Variants in UHRF1 observed in about 807,000 individuals in gnomAD.
UHRF1 encodes the protein ubiquitin like with PHD and ring finger domains 1.
A neutral mutation model predicts 96.5 loss-of-function variants in UHRF1; 9 were observed. That is an observed-to-expected ratio of 0.09 (90% CI 0.06 to 0.16). The LOEUF is 0.16. Ranked by LOEUF, UHRF1 falls within the 10% of genes least tolerant of loss-of-function variation. The pLI is 1.00. For synonymous variants in UHRF1, 455 were observed against 469.9 expected, an observed-to-expected ratio of 0.97 and a Z score of 0.41; for missense variants, 626 against 1,131.1, an observed-to-expected ratio of 0.55 and a Z score of 6.40.
rs765485071 is a variant in UHRF1, at chr19:4,960,761, C to T, written c.2340C>T (p.Thr780=). The T allele has an allele frequency of 1.0e-5, 16 of 1,573,384 alleles. No individual in the cohort carries two copies. The highest frequency in any genetic ancestry group is 5.5e-5 in the African/African-American group (4 of 73,304). The part of the protein sequence containing the change: ...YAMQVNQPLQ[T]VLNQLFPGYG... ...TGCAGGTGAACCAGCCTCTGCAGACCGTCCTCAACCAGCTCTTCCCCGGCT... is the reference window on the plus strand; with the variant it reads ...TGCAGGTGAACCAGCCTCTGCAGACTGTCCTCAACCAGCTCTTCCCCGGCT... The change falls in exon 17 of 17, where the codon ACC becomes ACT. Residue 780 remains threonine, a synonymous_variant. Coordinates refer to ENST00000650932, the MANE Select transcript of UHRF1 (RefSeq NM_001048201.3).
intron 4 of UHRF1, 100 bp from the exon 5 acceptor site, chr19:4,932,641 G>A: frequency 7.7e-7 from 1 of 1,305,678 alleles, no homozygotes; most frequent in Non-Finnish European, 1.1e-6. Flanking sequence ...AGGGGCCTCT[G>A]CACACTGTCG....
chr19:4,954,906 T>A lies in UHRF1; in HGVS notation c.2130+84T>A. 1 of 1,545,602 alleles carries A rather than the reference T, an allele frequency of 6.5e-7. No homozygotes were observed. The highest frequency in any genetic ancestry group is 8.8e-7 in the Non-Finnish European group (1 of 1,133,498). ...GGGCTTGTTTCCCATGTTCCCCATT[T>A]TCAAGTGTACAGCTCAGTCGCACTG... is the stretch of plus-strand genomic sequence containing the variant. On this transcript the variant is annotated intron_variant, in intron 15 of 16. Transcript: ENST00000650932. The surrounding 1 kb of genome is among the most constrained non-coding windows in gnomAD (Gnocchi z 5.9).
intron 7 of UHRF1, 131 bp downstream of exon 7, chr19:4,942,062 G>A (rs1036198877): frequency 2.0e-5 from 20 of 1,018,100 alleles, no homozygotes; most frequent in African/African-American, 1.3e-4. Flanking sequence ...TTGGGAGGCC[G>A]AGGCGGGAGG....
In UHRF1 at chr19:4,947,490, C is replaced by T. The variant is rs1253369205; in HGVS notation, c.1517+279C>T. ...CTATAAAAGGCCAGATAATAGATATCTTTTTTTTTTTTTTTTTTTTTTTTT... is the reference window on the plus strand; with the variant it reads ...CTATAAAAGGCCAGATAATAGATATTTTTTTTTTTTTTTTTTTTTTTTTTT... On this transcript the variant is annotated intron_variant, in intron 11 of 16. Coordinates refer to ENST00000650932, the MANE Select transcript of UHRF1 (RefSeq NM_001048201.3). Among the ~76,000 whole-genome samples, 356 of 57,692 alleles carry T rather than the reference C, an allele frequency of 6.2e-3. 2 individuals are homozygous for T. In the South Asian group the frequency reaches 0.063, roughly 10 times the overall value. The allele number at this position is 57,692 out of a possible 152,430, so 37.8% of individuals were successfully genotyped here.
At chr19:4,906,175 C>T (rs995974780), upstream of UHRF1, among the ~76,000 whole-genome samples, 15 of 152,076 alleles carry the variant, frequency 9.9e-5, no homozygotes, top group South Asian at 2.1e-4. Context: ...GAAGGGTTCT[C>T]ACTACGTTGC....
Position 4,956,831 on chromosome 19 carries a change from C to T in UHRF1, c.2235+18C>T, listed in dbSNP as rs746918492. The T allele has an allele frequency of 2.2e-5, 35 of 1,567,406 alleles. No individual in the cohort carries two copies. The highest frequency in any genetic ancestry group is 4.1e-5 in the African/African-American group (3 of 73,968). On this transcript the variant is annotated intron_variant, in intron 16 of 16. Transcript: ENST00000650932. ...TGTGCAAGGTGAGTAGAGATGGCCGCGGGAGCCGGGTGGAAGGTTCTGGAA... is the reference window on the plus strand; with the variant it reads ...TGTGCAAGGTGAGTAGAGATGGCCGTGGGAGCCGGGTGGAAGGTTCTGGAA...
chr19:4,935,513 C>G (rs1352040828), intron 5 of UHRF1, among the ~76,000 whole-genome samples: 3 of 152,052 alleles, frequency 2.0e-5, no homozygotes, highest in African/African-American at 7.2e-5. Flanking sequence ...CTGATATAAT[C>G]CACTACTTTG....
rs745741700 is a variant in UHRF1 at position 4,950,716 on chromosome 19, T to C, written c.1623T>C (p.Gly541=). The change falls in exon 12 of 17, where the codon GGT becomes GGC. Residue 541 remains glycine (G), a synonymous_variant. Transcript: ENST00000650932. Reference sequence around the variant, plus strand: ...TCAGGGTGGTGCGCAATGTCAAGGGTGGCAAGAATAGCAAGTACGCCCCCG... The same window carrying C: ...TCAGGGTGGTGCGCAATGTCAAGGGCGGCAAGAATAGCAAGTACGCCCCCG... ...KPVRVVRNVK[G]GKNSKYAPAE... is the part of the protein sequence containing the mutation. 1.1e-5 allele frequency: 17 copies of C among 1,606,166 alleles called. No homozygotes were observed. The highest frequency in any genetic ancestry group is 1.7e-4 in the Middle Eastern group (1 of 5,992).
intron 1 of UHRF1, among the ~76,000 whole-genome samples, chr19:4,904,343 C>G (rs1018113159): frequency 2.6e-5 from 4 of 152,092 alleles, no homozygotes; most frequent in Non-Finnish European, 5.9e-5. Context: ...AAATGCCTGG[C>G]TAATTTTTTG....
At chr19:4,905,108 CTTTTTTTTTTT>C (rs61443004), upstream of UHRF1, among the ~76,000 whole-genome samples, 5 of 95,182 alleles carry the variant, frequency 5.3e-5, no homozygotes, top group African/African-American at 1.0e-4. Context: ...CGTAAACTTT[CTTTTTTTTTTT>C]TTTTTTTTTT....
intron 15 of UHRF1, among the ~76,000 whole-genome samples, chr19:4,956,165 A>C (rs1238195405): frequency 6.6e-6 from 1 of 152,156 alleles, no homozygotes; most frequent in Non-Finnish European, 1.5e-5. Flanking sequence ...TCCTGACCTT[A>C]GGTGATCTGC....
At position 4,947,282 on chromosome 19, in the gene UHRF1, C is replaced by T; in HGVS notation, c.1517+71C>T. The T allele has an allele frequency of 3.6e-6, 5 of 1,382,712 alleles. No individual in the cohort carries two copies. The East Asian group carries it at 6.9e-5, about 19-fold the overall frequency. 85.7% of individuals were successfully genotyped at this position (1,382,712 alleles called of 1,614,324 possible). Reference sequence around the variant, plus strand: ...CGAGTCTTGGTTCTGTTTTGGGCCTCATGTCCAGCAAGTGATAGTCTCATT... The same window carrying T: ...CGAGTCTTGGTTCTGTTTTGGGCCTTATGTCCAGCAAGTGATAGTCTCATT... On this transcript the variant is annotated intron_variant, in intron 11 of 16. Transcript: ENST00000650932.
chr19:4,937,050 T>C (rs1047558486), intron 5 of UHRF1, among the ~76,000 whole-genome samples: 1 of 152,110 alleles, frequency 6.6e-6, no homozygotes, highest in Non-Finnish European at 1.5e-5. Flanking sequence ...TTTTTTTTGT[T>C]GGAGACGGAG....
intron 1 of UHRF1, among the ~76,000 whole-genome samples, chr19:4,909,943 C>G (rs1327649359): frequency 6.6e-6 from 1 of 150,824 alleles, no homozygotes; most frequent in Non-Finnish European, 1.5e-5. Context: ...CGCGCCTGCG[C>G]GCGGGGCGCC....
At chr19:4,944,519 CT>C in intron 9 of UHRF1, 69 bp downstream of exon 9, 5 of 1,566,774 alleles carry the variant, frequency 3.2e-6, no homozygotes, top group East Asian at 4.5e-5. Flanking sequence ...GCAGTTTCTC[CT>C]GGCTTTGGCC....
intron 15 of UHRF1, 25 bp from the exon 16 acceptor site, chr19:4,956,684 C>T (rs372799398): frequency 6.4e-5 from 97 of 1,520,098 alleles, no homozygotes; most frequent in Non-Finnish European, 7.6e-5. Flanking sequence ...GTGTCTTTGC[C>T]GGCCTCACAC....
At position 4,929,486 on chromosome 19, in the gene UHRF1, C is replaced by G; in HGVS notation, c.408+10C>G. Reference sequence around the variant, plus strand: ...ATTGGGGCTGTACAAGGTGAGCCTCCCCTCCGCAGCTGCTCTGGGGTTGGA... The same window carrying G: ...ATTGGGGCTGTACAAGGTGAGCCTCGCCTCCGCAGCTGCTCTGGGGTTGGA... On this transcript the variant is annotated intron_variant, in intron 3 of 16. Coordinates refer to ENST00000650932, the MANE Select transcript of UHRF1 (RefSeq NM_001048201.3). 6.2e-7 allele frequency: 1 copy of G among 1,605,412 alleles called. No homozygotes were observed. Among genetic ancestry groups the G allele is most frequent in the African/African-American group, 1.3e-5 (1 of 74,862 alleles).
chr19:4,944,562 C>T (rs2033507625), intron 9 of UHRF1, 112 bp downstream of exon 9: 1 of 1,173,898 alleles, frequency 8.5e-7, no homozygotes, highest in Non-Finnish European at 1.2e-6. Flanking sequence ...CCAGTGGTGC[C>T]TCGGCTAGCC....
chr19:4,960,504 C>G (rs1167504434), intron 16 of UHRF1, among the ~76,000 whole-genome samples, 153 bp from the exon 17 acceptor site: 1 of 152,170 alleles, frequency 6.6e-6, no homozygotes, highest in Non-Finnish European at 1.5e-5. Context: ...CTAGGGGGGC[C>G]AGGCTGGTGA....
Sources: gnomAD v4.1 joint callset for allele counts (sites outside exome capture counted in the v4.1 genomes callset) on GRCh38, gnomAD v4.1.1 for gene constraint, Gnocchi (gnomAD v3.1) non-coding constraint, MANE v1.5 for transcripts, NCBI Gene and HGNC (gene_info 2026-07-23, HGNC 2026-07-21) for gene names.